PKHD1: variants seen among roughly 807,000 people sequenced by gnomAD.
The protein encoded by PKHD1 is PKHD1 ciliary IPT domain containing fibrocystin/polyductin.
Under a neutral mutation model 412.0 loss-of-function variants are expected in PKHD1, and 291 were observed. That is an observed-to-expected ratio of 0.71 (90% CI 0.64 to 0.78). The LOEUF (loss-of-function observed/expected upper bound fraction) is 0.78. PKHD1 is among the 30% of genes least tolerant of loss of function. The pLI is 0.00. For missense variants in PKHD1, 4,825 were observed against 4,950.7 expected, an observed-to-expected ratio of 0.97 and a Z score of 0.76; for synonymous variants, 1,777 against 1,821.5, an observed-to-expected ratio of 0.98 and a Z score of 0.62.
chr6:52,043,644 A>G lies in PKHD1; in HGVS notation c.2802T>C (p.His934=), dbSNP rs1046496759. The G allele has an allele frequency of 1.2e-6, 2 of 1,611,576 alleles. No individual in the cohort carries two copies. The highest frequency in any genetic ancestry group is 2.7e-5 in the African/African-American group (2 of 74,848). ...QYLQGSTPCV[H]SVWYSIDGDI... is the part of the protein sequence containing the mutation. ...TCATACCAATGGAGTACCACACAGA[A>G]TGGACACAGGGAGTTGACCCTTGGA... The change falls in exon 26 of 67, where the codon CAT becomes CAC. Residue 934 remains histidine (H), a synonymous_variant. Transcript: ENST00000371117.
intron 52 of PKHD1, among the ~76,000 whole-genome samples, chr6:51,823,880 C>T (rs1766884123): frequency 6.6e-6 from 1 of 152,054 alleles, no homozygotes; most frequent in Non-Finnish European, 1.5e-5. Flanking sequence ...GTGGTCATTG[C>T]AACTAGAAGG....
intron 64 of PKHD1, among the ~76,000 whole-genome samples, chr6:51,637,180 G>T (rs1768689193): frequency 2.0e-5 from 3 of 152,076 alleles, no homozygotes; most frequent in Non-Finnish European, 2.9e-5. Flanking sequence ...AATTACTGAG[G>T]TAATTAAAGG....
rs1812156081 is a variant in PKHD1, at chr6:52,082,313, CTAATA to C, written c.281+74_281+78del. 2.1e-6 allele frequency: 3 copies of C among 1,446,152 alleles called. No individual in the cohort carries two copies. In the African/African-American group the frequency reaches 4.2e-5, roughly 20 times the overall value. 89.6% of individuals were successfully genotyped at this position (1,446,152 alleles called of 1,614,324 possible). Reference sequence around the variant, plus strand: ...CAATTGAATCACAGCAAAAATTGCTCTAATATGTCACCAAAAGATACTGAGATAAG... The same window carrying C: ...CAATTGAATCACAGCAAAAATTGCTCTGTCACCAAAAGATACTGAGATAAG... On this transcript the variant is annotated intron_variant, in intron 4 of 66. Transcript: ENST00000371117.
chr6:51,980,625 C>A (rs528214258), intron 35 of PKHD1, among the ~76,000 whole-genome samples: 128 of 152,286 alleles, frequency 8.4e-4, no homozygotes, highest in African/African-American at 2.4e-3. Context: ...ATGAGACAGG[C>A]TTGTTTCTTT....
chr6:51,843,462 TCAC>T (rs1582991535), intron 50 of PKHD1, among the ~76,000 whole-genome samples: 1 of 152,112 alleles, frequency 6.6e-6, no homozygotes, highest in African/African-American at 2.4e-5. Flanking sequence ...TAAAAATAGT[TCAC>T]CATGAACTGA....
At chr6:52,007,718 T>C (rs954774761) in intron 35 of PKHD1, among the ~76,000 whole-genome samples, 2 of 152,176 alleles carry the variant, frequency 1.3e-5, no homozygotes, top group African/African-American at 4.8e-5. Flanking sequence ...TATATCCAGT[T>C]CCTAAATCAA....
chr6:52,014,530 G>C (rs1007262700), intron 34 of PKHD1, among the ~76,000 whole-genome samples: 2 of 143,376 alleles, frequency 1.4e-5, no homozygotes, highest in Admixed American at 1.4e-4. Flanking sequence ...GATGGATGGA[G>C]AGATGGATGG....
intron 43 of PKHD1, among the ~76,000 whole-genome samples, chr6:51,900,140 C>G (rs1780989456): frequency 6.6e-6 from 1 of 152,158 alleles, no homozygotes; most frequent in South Asian, 2.1e-4. Context: ...CTACCAAGGA[C>G]TTTCTTCACA....
intron 1 of PKHD1, among the ~76,000 whole-genome samples, chr6:52,087,229 CCT>C (rs565508693): frequency 6.6e-6 from 1 of 151,706 alleles, no homozygotes; most frequent in African/African-American, 2.4e-5. Flanking sequence ...TTTTTGTTCT[CCT>C]CTCTCTCTCT....
chr6:51,621,542 G>A (rs1359419543), intron 66 of PKHD1, among the ~76,000 whole-genome samples: 2 of 152,088 alleles, frequency 1.3e-5, no homozygotes, highest in South Asian at 2.1e-4. Flanking sequence ...TTTCCCCCTT[G>A]TTCTTTAAGT....
chr6:51,676,587 AAAC>A, intron 60 of PKHD1, among the ~76,000 whole-genome samples: 1 of 148,478 alleles, frequency 6.7e-6, no homozygotes, highest in South Asian at 2.1e-4. Context: ...CTTTTGTGGC[AAAC>A]AACATTTATA....
chr6:51,918,928 C>A (rs950527496), intron 37 of PKHD1, among the ~76,000 whole-genome samples: 1 of 152,172 alleles, frequency 6.6e-6, no homozygotes, highest in Non-Finnish European at 1.5e-5. Context: ...GCATAAATAT[C>A]TTCCTTTGAG....
At chr6:51,948,377 A>T (rs1224088531) in intron 36 of PKHD1, among the ~76,000 whole-genome samples, 2 of 151,178 alleles carry the variant, frequency 1.3e-5, no homozygotes, top group Non-Finnish European at 3.0e-5. Context: ...TTGTTCCAAT[A>T]CTCCTTTTTG....
At chr6:51,826,119 A>AT (rs1562398753) in intron 52 of PKHD1, among the ~76,000 whole-genome samples, 1 of 152,182 alleles carries the variant, frequency 6.6e-6, no homozygotes, top group Non-Finnish European at 1.5e-5. Flanking sequence ...TTACTTTCTG[A>AT]TTTATGATCA....
rs1232248843 is a variant in PKHD1, at chr6:51,870,749, AAG to A, written c.7351-112_7351-111del. ...AAGATAAAAAAGCGAGCTATTGACT[AAG>A]AGAAAATATTTGCCAATCACACATA... On this transcript the variant is annotated intron_variant, in intron 46 of 66. Transcript: ENST00000371117. 9 of 818,776 alleles carry A rather than the reference AAG, an allele frequency of 1.1e-5. No individual in the cohort carries two copies. The African/African-American group carries it at 1.6e-4, about 14-fold the overall frequency. The allele number at this position is 818,776 out of a possible 1,614,324, so 50.7% of individuals were successfully genotyped here.
intron 60 of PKHD1, among the ~76,000 whole-genome samples, chr6:51,675,894 T>G (rs1775756590): frequency 6.6e-6 from 1 of 152,176 alleles, no homozygotes; most frequent in African/African-American, 2.4e-5. Flanking sequence ...CAGGTTGTAT[T>G]TGTGTGTGCA....
intron 37 of PKHD1, among the ~76,000 whole-genome samples, chr6:51,931,589 G>A (rs999725146): frequency 6.6e-6 from 1 of 152,130 alleles, no homozygotes; most frequent in African/African-American, 2.4e-5. Flanking sequence ...AGATACATCA[G>A]GAAAGGAATC....
rs1346960411 is a variant in PKHD1, at chr6:51,912,598, T to C, written c.6122-22A>G. 4.7e-6 allele frequency: 7 copies of C among 1,504,170 alleles called. No homozygotes were observed. Among genetic ancestry groups the C allele is most frequent in the Non-Finnish European group, 6.5e-6 (7 of 1,080,220 alleles). The allele number at this position is 1,504,170 out of a possible 1,614,324, so 93.2% of individuals were successfully genotyped here. A position where few individuals can be genotyped will look rare whatever the true frequency, so the allele number is the denominator to read the frequency against. ...GAACCTAAAGCAGCCCGAGGAAAAG[T>C]TGTCCAGATAATTTAATCATTAATC... On this transcript the variant is annotated intron_variant, in intron 37 of 66. Coordinates refer to ENST00000371117, the MANE Select transcript of PKHD1 (RefSeq NM_138694.4).
At chr6:51,966,412 G>A (rs1050465971) in intron 35 of PKHD1, among the ~76,000 whole-genome samples, 8 of 152,146 alleles carry the variant, frequency 5.3e-5, no homozygotes, top group Admixed American at 3.9e-4. Flanking sequence ...TGTGAGCAAA[G>A]GGATAATTTT....
Sources: allele counts gnomAD v4.1 joint callset (sites outside exome capture counted in the v4.1 genomes callset), GRCh38; gene constraint gnomAD v4.1.1; transcripts MANE v1.5; gene names NCBI Gene and HGNC (gene_info 2026-07-23, HGNC 2026-07-21).